The following RMND5A variants were observed in gnomAD, a reference collection of about 807,000 sequenced individuals.
RMND5A encodes the protein required for meiotic nuclear division 5 homolog A.
RMND5A carries 17 observed loss-of-function variants against 49.7 expected under a neutral mutation model. That is an observed-to-expected ratio of 0.34 (90% confidence interval 0.23 to 0.51). RMND5A has a LOEUF of 0.51. RMND5A is among the 20% of genes least tolerant of loss of function. The pLI is 0.96. For missense variants in RMND5A, 255 were observed against 471.3 expected (o/e 0.54, Z 4.25); for synonymous variants, 156 against 167.7 (o/e 0.93, Z 0.54).
At chr2:86,728,990 G>A (rs1681313623) in intron 1 of RMND5A, among the ~76,000 whole-genome samples, 2 of 151,914 alleles carry the variant, frequency 1.3e-5, no homozygotes, top group South Asian at 2.1e-4. Flanking sequence ...TCTTGACCTC[G>A]TAATCTGCCC....
In RMND5A at chr2:86,757,689, G is replaced by A. The variant is rs192095423; in HGVS notation, c.521+4131G>A. 2.0e-5 allele frequency among the ~76,000 whole-genome samples: 3 copies of A among 152,292 alleles called. No individual in the cohort carries two copies. The East Asian group carries it at 5.8e-4, about 29-fold the overall frequency. ...AAGCTACTTGGTTGCCTTCCTAAAC[G>A]TGTCTCAAAGAGTAATACTACCTTG... On this transcript the variant is annotated intron_variant, in intron 4 of 8. Coordinates refer to ENST00000283632, the MANE Select transcript of RMND5A (RefSeq NM_022780.4).
In RMND5A at chr2:86,775,324, CTTTCTTTTTTTTT is replaced by C. The variant is rs1270548746; in HGVS notation, c.*1917_*1929del. On this transcript the variant is annotated 3_prime_UTR_variant, in exon 9 of 9. Coordinates refer to ENST00000283632, the MANE Select transcript of RMND5A (RefSeq NM_022780.4). ...AACCTAGAGTGTTGTATTTTTCTTT[CTTTCTTTTTTTTT>C]TTTTTTTTTTTTACCCTTTTTCTCC... 3 of 78,434 alleles carry C rather than the reference CTTTCTTTTTTTTT, an allele frequency of 3.8e-5. No homozygotes were observed. Among genetic ancestry groups the C allele is most frequent in the South Asian group, 3.7e-4 (1 of 2,728 alleles). 4.9% of individuals were successfully genotyped at this position (78,434 alleles called of 1,614,324 possible). A position where few individuals can be genotyped will look rare whatever the true frequency, so the allele number is the denominator to read the frequency against.
rs1223689938 is a variant in RMND5A, at chr2:86,732,665, A to G, written c.143-8262A>G. Among the ~76,000 whole-genome samples, 9 of 149,938 alleles carry G rather than the reference A, an allele frequency of 6.0e-5. 2 individuals carry two copies. The highest frequency in any genetic ancestry group is 2.3e-4 in the African/African-American group (9 of 39,334). On this transcript the variant is annotated intron_variant, in intron 1 of 8. Coordinates refer to ENST00000283632, the MANE Select transcript of RMND5A (RefSeq NM_022780.4). Reference sequence around the variant, plus strand: ...ACCTTCCTATATTCTGACTTAGAATATACTTTTATAGGGTCACATTATATA... The same window carrying G: ...ACCTTCCTATATTCTGACTTAGAATGTACTTTTATAGGGTCACATTATATA...
intron 4 of RMND5A, among the ~76,000 whole-genome samples, chr2:86,761,532 A>G (rs1341755112): frequency 1.3e-5 from 2 of 152,138 alleles, no homozygotes; most frequent in Admixed American, 1.3e-4. Flanking sequence ...GGGAGAGTTA[A>G]AAGTGGGGTA....
chr2:86,772,421 C>T (rs963205224), intron 8 of RMND5A, among the ~76,000 whole-genome samples: 22 of 152,084 alleles, frequency 1.4e-4, no homozygotes, highest in Admixed American at 1.3e-3. Flanking sequence ...TGCCACTGCA[C>T]TCCAGCCTGG....
Position 86,750,125 on chromosome 2 carries a change from T to A in RMND5A, c.286-1771T>A, listed in dbSNP as rs1465125974. On this transcript the variant is annotated intron_variant, in intron 2 of 8. Transcript: ENST00000283632. Reference sequence around the variant, plus strand: ...ATTTTTAAAAAGAAATGCAAAACATTTATTAGGGAGCAATGCCTATGAAAG... The same window carrying A: ...ATTTTTAAAAAGAAATGCAAAACATATATTAGGGAGCAATGCCTATGAAAG... Among the ~76,000 whole-genome samples the A allele has an allele frequency of 2.0e-5, 3 of 152,298 alleles. No individual in the cohort carries two copies. The East Asian group carries it at 5.8e-4, about 29-fold the overall frequency.
At chr2:86,728,162 GAA>G (rs1681299437) in intron 1 of RMND5A, among the ~76,000 whole-genome samples, 2 of 78,372 alleles carry the variant, frequency 2.6e-5, no homozygotes, top group African/African-American at 4.7e-5. Flanking sequence ...TCTTTTAAAA[GAA>G]ACATTATTCA....
intron 4 of RMND5A, among the ~76,000 whole-genome samples, chr2:86,758,188 G>C (rs1292947568): frequency 1.3e-5 from 2 of 152,070 alleles, no homozygotes; most frequent in Non-Finnish European, 2.9e-5. Context: ...ACAGTGAAAA[G>C]TAAATCTCCC....
intron 4 of RMND5A, among the ~76,000 whole-genome samples, chr2:86,763,936 T>C (rs1672548300): frequency 6.6e-6 from 1 of 152,190 alleles, no homozygotes; most frequent in Non-Finnish European, 1.5e-5. Flanking sequence ...ACTTTGACTT[T>C]GAAGTCAAAG....
At position 86,765,071 on chromosome 2, in the gene RMND5A, C is replaced by T; in HGVS notation, c.566C>T (p.Ser189Phe). 6.2e-7 allele frequency: 1 copy of T among 1,613,216 alleles called. No homozygotes were observed. The highest frequency in any genetic ancestry group is 2.2e-5 in the East Asian group (1 of 44,794). Residue 189 changes from serine to phenylalanine, a missense_variant, in exon 5 of 9, where the codon TCC becomes TTC. Ser to Phe is a radical substitution (Grantham distance 155). Around this residue, in one of 3 missense-constraint regions of RMND5A, gnomAD observed 208 missense variants for 339.8 expected, o/e 0.61. Transcript: ENST00000283632. ...NREMLIAQNS[S>F]LEFKLHRLYF... ...GAAATGCTTATAGCTCAAAACAGCT[C>T]CTTGGAATTTAAGCTACACAGACTG... is the stretch of plus-strand genomic sequence containing the variant.
At chr2:86,757,575 G>A (rs930165168) in intron 4 of RMND5A, among the ~76,000 whole-genome samples, 1 of 152,158 alleles carries the variant, frequency 6.6e-6, no homozygotes, top group Non-Finnish European at 1.5e-5. Flanking sequence ...ATACAACGAG[G>A]TGGGGGAAAT....
intron 4 of RMND5A, among the ~76,000 whole-genome samples, chr2:86,757,355 T>G (rs1681761647): frequency 6.6e-6 from 1 of 152,140 alleles, no homozygotes; most frequent in Admixed American, 6.5e-5. Context: ...TTGTACAGAT[T>G]TTCCCCCTCA....
chr2:86,760,224 A>T (rs1672437114), intron 4 of RMND5A, among the ~76,000 whole-genome samples: 1 of 152,088 alleles, frequency 6.6e-6, no homozygotes. Flanking sequence ...TTGTATTTTC[A>T]GTAGAGATGG....
intron 4 of RMND5A, among the ~76,000 whole-genome samples, chr2:86,757,337 C>T (rs889297222): frequency 1.3e-5 from 2 of 152,114 alleles, no homozygotes; most frequent in Non-Finnish European, 2.9e-5. Flanking sequence ...GCCCTTGTAC[C>T]TCTGAGTTTG....
At chr2:86,749,386 C>A (rs1681594106) in intron 2 of RMND5A, among the ~76,000 whole-genome samples, 1 of 149,248 alleles carries the variant, frequency 6.7e-6, no homozygotes, top group Non-Finnish European at 1.5e-5. Context: ...TGTATTATTT[C>A]TTTTTCTTTC....
chr2:86,749,857 C>G (rs1681602821), intron 2 of RMND5A, among the ~76,000 whole-genome samples: 1 of 152,146 alleles, frequency 6.6e-6, no homozygotes, highest in African/African-American at 2.4e-5. Flanking sequence ...GTTTTCACAT[C>G]TAGAGATAGG....
chr2:86,721,877 C>T (rs1389448668), intron 1 of RMND5A, among the ~76,000 whole-genome samples: 1 of 139,558 alleles, frequency 7.2e-6, no homozygotes, highest in Non-Finnish European at 1.5e-5. Flanking sequence ...CTCTCTCCTT[C>T]TCCTTCATTT....
intron 1 of RMND5A, 84 bp downstream of exon 1, chr2:86,720,893 C>T (rs1441063078): frequency 8.2e-6 from 11 of 1,344,956 alleles, no homozygotes; most frequent in Middle Eastern, 2.6e-4. Context: ...CCCTCACCCA[C>T]CCTCGCGCCT....
chr2:86,735,165 T>C (rs547015676), intron 1 of RMND5A, among the ~76,000 whole-genome samples: 9 of 152,210 alleles, frequency 5.9e-5, no homozygotes, highest in African/African-American at 1.9e-4. Flanking sequence ...TTTTGTCTTA[T>C]GAATAATGCT....
Sources: gnomAD v4.1 joint callset for allele counts (sites outside exome capture counted in the v4.1 genomes callset) on GRCh38, gnomAD v4.1.1 for gene constraint, gnomAD v4.1.1 regional missense constraint, MANE v1.5 for transcripts, NCBI Gene and HGNC (gene_info 2026-07-23, HGNC 2026-07-21) for gene names.